The following HEG1 variants were observed in gnomAD, a reference collection of about 807,000 sequenced individuals.
The protein encoded by HEG1 is protein HEG homolog 1.
A neutral mutation model predicts 125.6 loss-of-function variants in HEG1; 56 were observed. The observed-to-expected ratio is 0.45, with a 90% confidence interval of 0.36 to 0.56. The LOEUF is 0.56. HEG1 is among the 20% of genes least tolerant of loss of function. The pLI, the probability that HEG1 is intolerant of heterozygous loss-of-function variation, is 0.00. For synonymous variants in HEG1, 644 were observed against 668.5 expected (o/e 0.96, Z 0.57); for missense variants, 1,523 against 1,670.0 (o/e 0.91, Z 1.53).
intron 3 of HEG1, among the ~76,000 whole-genome samples, chr3:125,022,393 C>A (rs1937347345): frequency 1.0e-5 from 1 of 98,672 alleles, no homozygotes. Flanking sequence ...AGTATCACTA[C>A]AGCGAGAGAG....
intron 1 of HEG1, among the ~76,000 whole-genome samples, chr3:125,035,361 C>A (rs1937540024): frequency 6.6e-6 from 1 of 152,116 alleles, no homozygotes; most frequent in Admixed American, 6.5e-5. Context: ...GTACCTCTAT[C>A]ATAGTGAAAC....
chr3:125,035,422 A>G (rs1159735249), intron 1 of HEG1, among the ~76,000 whole-genome samples: 1 of 152,190 alleles, frequency 6.6e-6, no homozygotes, highest in Non-Finnish European at 1.5e-5. Context: ...CCAGAGGGGA[A>G]AAAAATGGCA....
chr3:125,049,384 A>G (rs1937753175), intron 1 of HEG1, among the ~76,000 whole-genome samples: 2 of 152,140 alleles, frequency 1.3e-5, no homozygotes. Flanking sequence ...CCGGGCTGGC[A>G]TCCCTTCCTC....
intron 14 of HEG1, among the ~76,000 whole-genome samples, chr3:124,982,213 T>C (rs573365370): frequency 6.6e-6 from 1 of 152,372 alleles, no homozygotes; most frequent in Admixed American, 6.5e-5. Context: ...TACATATTTT[T>C]TAAAGAGTAC....
chr3:125,046,436 T>C (rs2948832), intron 1 of HEG1, among the ~76,000 whole-genome samples: 107 of 109,634 alleles, frequency 9.8e-4, no homozygotes, highest in South Asian at 3.4e-3. Context: ...CACACACACA[T>C]ATATATTTTT....
At chr3:125,051,346 C>T (rs188029467) in intron 1 of HEG1, among the ~76,000 whole-genome samples, 331 of 152,208 alleles carry the variant, frequency 2.2e-3, no homozygotes, top group Non-Finnish European at 3.7e-3. Context: ...GGGAGGAAGA[C>T]GAATGATGAG....
In HEG1 at chr3:124,969,240, C is replaced by T. The variant is rs1936380618; in HGVS notation, c.*1412G>A. Reference sequence around the variant, plus strand: ...AAAGAAGGCCAATAAACACAGTTCCCCAGGTGGCAATTAAAGACACCGAGT... The same window carrying T: ...AAAGAAGGCCAATAAACACAGTTCCTCAGGTGGCAATTAAAGACACCGAGT... On this transcript the variant is annotated 3_prime_UTR_variant, in exon 17 of 17. Transcript: ENST00000311127. 6.6e-6 allele frequency: 1 copy of T among 152,122 alleles called. No homozygotes were observed. The highest frequency in any genetic ancestry group is 6.6e-5 in the Admixed American group (1 of 15,256). 9.4% of individuals were successfully genotyped at this position (152,122 alleles called of 1,614,324 possible).
chr3:125,027,971 A>G (rs1022537648), intron 2 of HEG1, among the ~76,000 whole-genome samples: 2 of 152,240 alleles, frequency 1.3e-5, no homozygotes, highest in Non-Finnish European at 2.9e-5. Context: ...TACAGAATCG[A>G]GTCCCTCCCA....
At chr3:125,029,642 C>T (rs1446606878) in intron 1 of HEG1, among the ~76,000 whole-genome samples, 154 bp from the exon 2 acceptor site, 18 of 152,204 alleles carry the variant, frequency 1.2e-4, no homozygotes, top group Admixed American at 1.2e-3. Context: ...ATAATCCCAG[C>T]ACTTTGGGAG....
intron 9 of HEG1, among the ~76,000 whole-genome samples, chr3:125,003,634 C>G (rs1937031769): frequency 6.6e-6 from 1 of 152,098 alleles, no homozygotes; most frequent in Non-Finnish European, 1.5e-5. Flanking sequence ...GGTTGGGTAA[C>G]ATGGTATCAG....
rs576300434 is a variant in HEG1, at chr3:124,966,723, C to T, written c.*3929G>A. 1 of 152,180 alleles carries T rather than the reference C, an allele frequency of 6.6e-6. No individual in the cohort carries two copies. Among genetic ancestry groups the T allele is most frequent in the African/African-American group, 2.4e-5 (1 of 41,450 alleles). The allele number at this position is 152,180 out of a possible 1,614,324, so 9.4% of individuals were successfully genotyped here. ...TGTATTTTAGAACTATGGGTCAAAA[C>T]CCTGTGTGTTAGGCTAAACTTAGCC... On this transcript the variant is annotated 3_prime_UTR_variant, in exon 17 of 17. Transcript: ENST00000311127.
intron 3 of HEG1, among the ~76,000 whole-genome samples, chr3:125,026,022 G>C (rs1937409067): frequency 6.6e-6 from 1 of 152,150 alleles, no homozygotes; most frequent in East Asian, 1.9e-4. Flanking sequence ...AAAAACCTCT[G>C]ACCTGTAAAA....
chr3:125,026,317 C>T (rs1344502943), intron 3 of HEG1, among the ~76,000 whole-genome samples: 1 of 152,154 alleles, frequency 6.6e-6, no homozygotes, highest in Non-Finnish European at 1.5e-5. Flanking sequence ...GTAACAGACA[C>T]AGCCGGTGTC....
chr3:125,015,705 T>C (rs970315116), intron 5 of HEG1, among the ~76,000 whole-genome samples: 2 of 152,044 alleles, frequency 1.3e-5, no homozygotes, highest in Non-Finnish European at 2.9e-5. Context: ...TGTTAGATTA[T>C]CAGATAAACC....
In HEG1 at chr3:125,029,278, G is replaced by A. The variant is rs1937461864; in HGVS notation, c.527C>T (p.Ser176Leu). 2 of 1,613,708 alleles carry A rather than the reference G, an allele frequency of 1.2e-6. No homozygotes were observed. The highest frequency in any genetic ancestry group is 2.7e-5 in the African/African-American group (2 of 74,928). Residue 176 changes from serine to leucine, a missense_variant, in exon 2 of 17, where the codon TCA becomes TTA. Ser to Leu is a moderately radical substitution (Grantham distance 145). Coordinates refer to ENST00000311127, the MANE Select transcript of HEG1 (RefSeq NM_020733.2). ...TADARGRSGSSSRTNFTILPV... is the reference protein window; with the variant it reads ...TADARGRSGSLSRTNFTILPV... ...CAAAATGGTGAAGTTTGTTCTACTT[G>A]AAGAGCCGCTCCTTCCTCTAGCATC...
chr3:125,045,054 A>G (rs924506114), intron 1 of HEG1, among the ~76,000 whole-genome samples: 10 of 152,246 alleles, frequency 6.6e-5, no homozygotes, highest in African/African-American at 2.4e-4. Flanking sequence ...GTTTGAGTGC[A>G]TTATTGGGAG....
At chr3:125,020,007 C>G (rs879769098) in intron 4 of HEG1, among the ~76,000 whole-genome samples, 1 of 152,126 alleles carries the variant, frequency 6.6e-6, no homozygotes, top group Non-Finnish European at 1.5e-5. Flanking sequence ...TTCTAAATAC[C>G]AAAGTATAGC....
chr3:125,014,121 G>C, intron 5 of HEG1, 131 bp from the exon 6 acceptor site: 1 of 866,050 alleles, frequency 1.2e-6, no homozygotes, highest in Admixed American at 2.9e-5. Context: ...CTTTGGAGAG[G>C]TGGTTTTCAA....
Position 125,029,753 on chromosome 3 carries a change from G to A in HEG1, c.317-265C>T, listed in dbSNP as rs190045399. Among the ~76,000 whole-genome samples, 104 of 152,208 alleles carry A rather than the reference G, an allele frequency of 6.8e-4. 1 individual carries two copies. Among genetic ancestry groups the A allele is most frequent in the Non-Finnish European group, 2.6e-4 (18 of 68,018 alleles). On this transcript the variant is annotated intron_variant, in intron 1 of 16. Coordinates refer to ENST00000311127, the MANE Select transcript of HEG1 (RefSeq NM_020733.2). ...AAAAATACAAAAAAATTAGCCGGTCGTGATGGCAGGTGCCTGTAATCCCAT... is the reference window on the plus strand; with the variant it reads ...AAAAATACAAAAAAATTAGCCGGTCATGATGGCAGGTGCCTGTAATCCCAT...
Sources: gnomAD v4.1 joint callset for allele counts (sites outside exome capture counted in the v4.1 genomes callset) on GRCh38, gnomAD v4.1.1 for gene constraint, MANE v1.5 for transcripts, NCBI Gene and HGNC (gene_info 2026-07-23, HGNC 2026-07-21) for gene names.